Variants in GPC5 observed in about 807,000 individuals in gnomAD.
The protein encoded by GPC5 is glypican-5.
GPC5 carries 47 observed loss-of-function variants against 53.9 expected under a neutral mutation model. That is an observed-to-expected ratio of 0.87 (90% CI 0.69 to 1.11). The LOEUF is 1.11. GPC5 is among the 50% of genes most tolerant of loss of function. GPC5 has a pLI of 0.00. For missense variants in GPC5, 748 were observed against 713.1 expected (o/e 1.05, Z -0.56); for synonymous variants, 286 against 263.3 (o/e 1.09, Z -0.84).
intron 7 of GPC5, among the ~76,000 whole-genome samples, chr13:92,627,211 A>G (rs2139124721): frequency 6.6e-6 from 1 of 152,326 alleles, no homozygotes; most frequent in South Asian, 2.1e-4. Context: ...TTTCCTTCTA[A>G]CAGATTGGTT....
At chr13:91,637,597 G>A (rs1016484711) in intron 2 of GPC5, among the ~76,000 whole-genome samples, 1 of 152,054 alleles carries the variant, frequency 6.6e-6, no homozygotes, top group Non-Finnish European at 1.5e-5. Flanking sequence ...CTGAAAATAG[G>A]GACGAACAGG....
intron 5 of GPC5, among the ~76,000 whole-genome samples, chr13:91,858,449 T>G (rs893977826): frequency 6.6e-6 from 1 of 152,038 alleles, no homozygotes; most frequent in Admixed American, 6.6e-5. Flanking sequence ...TTCATTCTAT[T>G]GATATGATGC....
Position 91,558,625 on chromosome 13 carries a change from G to A in GPC5, c.325+109703G>A, listed in dbSNP as rs149412722. Among the ~76,000 whole-genome samples the A allele has an allele frequency of 1.3e-3, 192 of 152,216 alleles. 1 individual carries two copies. Among genetic ancestry groups the A allele is most frequent in the Admixed American group, 2.1e-3 (32 of 15,280 alleles). On this transcript the variant is annotated intron_variant, in intron 2 of 7. Transcript: ENST00000377067. ...ATCCAGTGACACTCATCCCTGGCAC[G>A]TTTGAGTGGCAATACCATTGCAAGT...
chr13:92,336,014 G>A (rs950996918), intron 7 of GPC5, among the ~76,000 whole-genome samples: 1 of 152,144 alleles, frequency 6.6e-6, no homozygotes, highest in Non-Finnish European at 1.5e-5. Flanking sequence ...CAATGTAGTA[G>A]TTCCAGCTAG....
At chr13:92,699,961 G>A (rs1426496097) in intron 7 of GPC5, among the ~76,000 whole-genome samples, 1 of 152,138 alleles carries the variant, frequency 6.6e-6, no homozygotes, top group Non-Finnish European at 1.5e-5. Context: ...TTCCAGAGAT[G>A]AGTTCAAATC....
chr13:92,429,702 T>C (rs1877000765), intron 7 of GPC5, among the ~76,000 whole-genome samples: 1 of 152,086 alleles, frequency 6.6e-6, no homozygotes, highest in South Asian at 2.1e-4. Context: ...TTTGGATGTA[T>C]ATTTATTTGC....
chr13:92,441,889 C>T (rs1276038029), intron 7 of GPC5, among the ~76,000 whole-genome samples: 1 of 152,124 alleles, frequency 6.6e-6, no homozygotes, highest in East Asian at 1.9e-4. Context: ...GCAATCCTAA[C>T]TAATCAAAAA....
At chr13:91,465,693 C>A (rs927545555) in intron 2 of GPC5, among the ~76,000 whole-genome samples, 20 of 152,026 alleles carry the variant, frequency 1.3e-4, no homozygotes, top group African/African-American at 4.1e-4. Flanking sequence ...AAATATTTCA[C>A]CCCAATTTTC....
chr13:92,341,658 G>A (rs186805056), intron 7 of GPC5, among the ~76,000 whole-genome samples: 1 of 152,156 alleles, frequency 6.6e-6, no homozygotes, highest in East Asian at 1.9e-4. Flanking sequence ...GCTAGGTGCA[G>A]TGGCTCATGC....
At chr13:91,976,773 C>G (rs1336243213) in intron 6 of GPC5, among the ~76,000 whole-genome samples, 2 of 152,154 alleles carry the variant, frequency 1.3e-5, no homozygotes, top group Non-Finnish European at 2.9e-5. Context: ...AGCGCGGTGG[C>G]TCACGCCTGT....
At chr13:91,903,815 C>T (rs1594653062) in intron 5 of GPC5, among the ~76,000 whole-genome samples, 1 of 151,936 alleles carries the variant, frequency 6.6e-6, no homozygotes, top group Admixed American at 6.6e-5. Context: ...TAATTAAGAA[C>T]AAAACCAAAA....
chr13:91,752,518 T>G (rs1214245337), intron 4 of GPC5, among the ~76,000 whole-genome samples: 3 of 152,240 alleles, frequency 2.0e-5, no homozygotes, highest in African/African-American at 7.2e-5. Flanking sequence ...AAGGACACTT[T>G]CAGTATTTTA....
chr13:92,613,912 A>G (rs2139102774), intron 7 of GPC5, among the ~76,000 whole-genome samples: 1 of 151,932 alleles, frequency 6.6e-6, no homozygotes, highest in Non-Finnish European at 1.5e-5. Flanking sequence ...AAAAAGTGAA[A>G]AAGTCACACA....
intron 7 of GPC5, among the ~76,000 whole-genome samples, chr13:92,233,567 A>T (rs763809493): frequency 6.6e-6 from 1 of 152,196 alleles, no homozygotes; most frequent in African/African-American, 2.4e-5. Context: ...AGGAAAAATC[A>T]TACAATATGT....
intron 7 of GPC5, among the ~76,000 whole-genome samples, chr13:92,599,440 G>A (rs1026392387): frequency 3.3e-5 from 5 of 152,060 alleles, no homozygotes; most frequent in Non-Finnish European, 7.4e-5. Flanking sequence ...ACAAAGTCCT[G>A]GATTTTAAAG....
At chr13:92,290,657 T>C (rs61015801) in intron 7 of GPC5, among the ~76,000 whole-genome samples, 3,285 of 152,294 alleles carry the variant, frequency 0.022, 122 homozygotes, top group African/African-American at 0.075. Flanking sequence ...GTGCATGCCA[T>C]TAACTCATTC....
chr13:92,098,006 T>C (rs2041435194), intron 6 of GPC5, among the ~76,000 whole-genome samples: 1 of 152,196 alleles, frequency 6.6e-6, no homozygotes, highest in Non-Finnish European at 1.5e-5. Flanking sequence ...TTTTTATTTT[T>C]AGTGTTTAAA....
chr13:92,066,855 G>A (rs559598994), intron 6 of GPC5, among the ~76,000 whole-genome samples: 1 of 152,114 alleles, frequency 6.6e-6, no homozygotes, highest in South Asian at 2.1e-4. Flanking sequence ...GGTGAGAGGA[G>A]AGGAAAGAGG....
intron 2 of GPC5, among the ~76,000 whole-genome samples, chr13:91,600,525 AATT>A (rs2033148534): frequency 6.6e-6 from 1 of 152,106 alleles, no homozygotes; most frequent in African/African-American, 2.4e-5. Context: ...TTTATTTTTC[AATT>A]ATTCTTCAAT....
Sources: allele counts gnomAD v4.1 joint callset (sites outside exome capture counted in the v4.1 genomes callset), GRCh38; gene constraint gnomAD v4.1.1; transcripts MANE v1.5; gene names NCBI Gene and HGNC (gene_info 2026-07-23, HGNC 2026-07-21).